BCAT1: variants seen among roughly 807,000 people sequenced by gnomAD.
BCAT1 encodes branched chain amino acid transaminase 1.
In BCAT1, 48 loss-of-function variants were observed where a neutral mutation model predicts 52.4. The observed-to-expected ratio is 0.92, with a 90% CI of 0.73 to 1.16. The LOEUF (loss-of-function observed/expected upper bound fraction) is 1.16, where lower values mean the gene tolerates loss of function less well. Ranked by LOEUF, BCAT1 falls within the 50% of genes most tolerant of loss-of-function variation. The pLI is 0.00. For missense variants in BCAT1, 451 were observed against 457.1 expected (o/e 0.99, Z 0.12); for synonymous variants, 167 against 161.3 (o/e 1.04, Z -0.27).
At chr12:24,926,592 A>T (rs1943591638) in intron 1 of BCAT1, among the ~76,000 whole-genome samples, 1 of 151,724 alleles carries the variant, frequency 6.6e-6, no homozygotes, top group South Asian at 2.1e-4. Flanking sequence ...GACATAGGAG[A>T]CTCCATTTTG....
chr12:24,878,651 T>G lies in BCAT1; in HGVS notation c.391-2A>C, dbSNP rs759324954. The G allele has an allele frequency of 2.5e-6, 4 of 1,596,498 alleles. No homozygotes were observed. The highest frequency in any genetic ancestry group is 3.4e-6 in the Non-Finnish European group (4 of 1,171,400). The stretch of plus-strand genomic sequence containing the variant: ...TAAGAGCTCTTCTTTGTCAAATACC[T>G]GAAAGAATGAAAAACATAATAAATG... On this transcript the variant is annotated splice_acceptor_variant, in intron 4 of 10. Coordinates refer to ENST00000261192, the MANE Select transcript of BCAT1 (RefSeq NM_005504.7). LOFTEE classifies it high-confidence loss of function.
At chr12:24,824,854 G>A (rs572078115) in intron 10 of BCAT1, among the ~76,000 whole-genome samples, 1 of 152,074 alleles carries the variant, frequency 6.6e-6, no homozygotes, top group East Asian at 1.9e-4. Context: ...TAAATGTTCA[G>A]TTTAATGGTA....
intron 10 of BCAT1, among the ~76,000 whole-genome samples, chr12:24,820,436 T>C (rs1299491305): frequency 6.6e-6 from 1 of 152,174 alleles, no homozygotes; most frequent in East Asian, 1.9e-4. Context: ...AGAAATTATA[T>C]TATTTCCTTA....
chr12:24,816,206 A>G lies in BCAT1; in HGVS notation c.*1802T>C, dbSNP rs762283063. ...CTATGGCTAAAAGTTTTGGAAAAGA[A>G]TCAAAGCCCATTTTCTATGTGTTGC... On this transcript the variant is annotated 3_prime_UTR_variant, in exon 11 of 11. Coordinates refer to ENST00000261192, the MANE Select transcript of BCAT1 (RefSeq NM_005504.7). 2 of 285,892 alleles carry G rather than the reference A, an allele frequency of 7.0e-6. No homozygotes were observed. The highest frequency in any genetic ancestry group is 1.3e-5 in the Non-Finnish European group (2 of 156,008). The allele number at this position is 285,892 out of a possible 1,614,324, so 17.7% of individuals were successfully genotyped here. A position where few individuals can be genotyped will look rare whatever the true frequency, so the allele number is the denominator to read the frequency against.
At chr12:24,846,882 A>T (rs1413377083) in intron 6 of BCAT1, among the ~76,000 whole-genome samples, 2 of 152,210 alleles carry the variant, frequency 1.3e-5, no homozygotes, top group Non-Finnish European at 2.9e-5. Flanking sequence ...ACATTATTTC[A>T]TTGAGTCATC....
At chr12:24,912,281 G>A (rs552312634) in intron 1 of BCAT1, among the ~76,000 whole-genome samples, 3 of 152,230 alleles carry the variant, frequency 2.0e-5, no homozygotes, top group African/African-American at 4.8e-5. Flanking sequence ...TTGGGAGGCC[G>A]AGGCGGGCGG....
Position 24,813,031 on chromosome 12 carries a change from C to T in BCAT1, c.*4977G>A, listed in dbSNP as rs541984672. On this transcript the variant is annotated 3_prime_UTR_variant, in exon 11 of 11. Transcript: ENST00000261192. ...CTTGTATCCAGCAGATTTGAAAGGG[C>T]ACTTCAAATTTGTTCTTCTTTTTCT... 2.6e-5 allele frequency: 4 copies of T among 152,062 alleles called. No individual in the cohort carries two copies. The highest frequency in any genetic ancestry group is 1.9e-4 in the East Asian group (1 of 5,184). 9.4% of individuals were successfully genotyped at this position (152,062 alleles called of 1,614,324 possible).
chr12:24,895,480 C>T (rs907790646), intron 2 of BCAT1, among the ~76,000 whole-genome samples: 3 of 150,174 alleles, frequency 2.0e-5, no homozygotes, highest in Admixed American at 6.7e-5. Flanking sequence ...GAGTCAAGAT[C>T]GCACCACTGC....
At chr12:24,886,345 G>GCTGC (rs1317644583) in intron 3 of BCAT1, among the ~76,000 whole-genome samples, 2 of 152,190 alleles carry the variant, frequency 1.3e-5, no homozygotes, top group African/African-American at 4.8e-5. Flanking sequence ...TTGAGCCCAG[G>GCTGC]AGGTAAAGGC....
At chr12:24,880,850 T>TG (rs111490527) in intron 4 of BCAT1, among the ~76,000 whole-genome samples, 27,172 of 151,456 alleles carry the variant, frequency 0.18, 2,588 homozygotes, top group East Asian at 0.23. Context: ...TTTTGTTTTT[T>TG]TTTTTTACAG....
At chr12:24,919,815 C>T (rs974803958) in intron 1 of BCAT1, among the ~76,000 whole-genome samples, 8 of 152,112 alleles carry the variant, frequency 5.3e-5, no homozygotes, top group African/African-American at 1.2e-4. Context: ...ATCATGGGGG[C>T]GGTTTCCCCC....
In BCAT1 at chr12:24,878,639, T is replaced by C; in HGVS notation, c.401A>G (p.Lys134Arg). Residue 134 changes from lysine (K) to arginine (R), a missense_variant, in exon 5 of 11, where the codon AAA becomes AGA. By Grantham distance (26) the Lys-to-Arg change is conservative. Transcript: ENST00000261192. ...AVRATLPVFD[K>R]EELLECIQQL... is the part of the protein sequence containing the mutation. ...TTGAATACACTCTAAGAGCTCTTCTTTGTCAAATACCTGAAAGAATGAAAA... is the reference window on the plus strand; with the variant it reads ...TTGAATACACTCTAAGAGCTCTTCTCTGTCAAATACCTGAAAGAATGAAAA... 1.9e-6 allele frequency: 3 copies of C among 1,602,226 alleles called. No individual in the cohort carries two copies. The highest frequency in any genetic ancestry group is 2.6e-6 in the Non-Finnish European group (3 of 1,174,834).
chr12:24,853,805 T>C (rs1195291695), intron 5 of BCAT1, among the ~76,000 whole-genome samples: 1 of 152,196 alleles, frequency 6.6e-6, no homozygotes, highest in African/African-American at 2.4e-5. Context: ...ACATTCCTTA[T>C]AAACACTTTA....
chr12:24,915,160 G>A (rs1943389036), intron 1 of BCAT1, among the ~76,000 whole-genome samples: 1 of 151,668 alleles, frequency 6.6e-6, no homozygotes, highest in African/African-American at 2.4e-5. Flanking sequence ...TATAAAAACT[G>A]AGTTTTCAAC....
rs1322694515 is a variant in BCAT1 at position 24,913,154 on chromosome 12, T to TA, written c.7-11270dup. 2.6e-5 allele frequency among the ~76,000 whole-genome samples: 4 copies of TA among 152,174 alleles called. No individual in the cohort carries two copies. In the South Asian group the frequency reaches 6.2e-4, roughly 24 times the overall value. ...AAAACAGCTTCAAATGGACACCAAG[T>TA]AAAAAATACCAGTTTTCAGAAGTCT... On this transcript the variant is annotated intron_variant, in intron 1 of 10. Transcript: ENST00000261192.
intron 7 of BCAT1, among the ~76,000 whole-genome samples, chr12:24,837,932 A>G (rs952970529): frequency 6.6e-6 from 1 of 152,196 alleles, no homozygotes; most frequent in Non-Finnish European, 1.5e-5. Flanking sequence ...GACATCCCTA[A>G]CTACTGTGAG....
chr12:24,896,276 C>T (rs1168695145), intron 2 of BCAT1, among the ~76,000 whole-genome samples: 1 of 152,168 alleles, frequency 6.6e-6, no homozygotes, highest in Non-Finnish European at 1.5e-5. Context: ...CCTTTTCTCT[C>T]CCGTTGTCCT....
At chr12:24,832,432 C>T (rs184808347) in intron 9 of BCAT1, among the ~76,000 whole-genome samples, 3 of 152,128 alleles carry the variant, frequency 2.0e-5, no homozygotes, top group Non-Finnish European at 2.9e-5. Flanking sequence ...TAGCATGGTG[C>T]GGTGGCGCAC....
Position 24,816,227 on chromosome 12 carries a change from G to A in BCAT1, c.*1781C>T. ...AAGAATCAAAGCCCATTTTCTATGT[G>A]TTGCTAAATGCCTCAAGGAAATTTT... On this transcript the variant is annotated 3_prime_UTR_variant, in exon 11 of 11. Coordinates refer to ENST00000261192, the MANE Select transcript of BCAT1 (RefSeq NM_005504.7). 1 of 323,250 alleles carries A rather than the reference G, an allele frequency of 3.1e-6. No individual in the cohort carries two copies. Among genetic ancestry groups the A allele is most frequent in the Non-Finnish European group, 5.6e-6 (1 of 179,708 alleles). The allele number at this position is 323,250 out of a possible 1,614,324, so 20.0% of individuals were successfully genotyped here. A position where few individuals can be genotyped will look rare whatever the true frequency, so the allele number is the denominator to read the frequency against.
Sources: gnomAD v4.1 joint callset for allele counts (sites outside exome capture counted in the v4.1 genomes callset) on GRCh38, gnomAD v4.1.1 for gene constraint, MANE v1.5 for transcripts, NCBI Gene and HGNC (gene_info 2026-07-23, HGNC 2026-07-21) for gene names.